The following ABTB2 variants were observed in gnomAD, a reference collection of about 807,000 sequenced individuals.
The protein encoded by ABTB2 is ankyrin repeat and BTB/POZ domain-containing protein 2.
A neutral mutation model predicts 104.1 loss-of-function variants in ABTB2; 56 were observed. The ratio of observed to expected loss-of-function variants is 0.54; its 90% CI spans 0.43 to 0.67. ABTB2 has a LOEUF of 0.67. ABTB2 is among the 30% of genes least tolerant of loss of function. The pLI is 0.00. For synonymous variants in ABTB2, 606 were observed against 608.2 expected (o/e 1.00, Z 0.05); for missense variants, 1,279 against 1,407.7 (o/e 0.91, Z 1.46).
intron 2 of ABTB2, among the ~76,000 whole-genome samples, chr11:34,199,760 G>A (rs1180914841): frequency 6.6e-6 from 1 of 152,186 alleles, no homozygotes. Flanking sequence ...GGGAACAATA[G>A]TATCTACCCT....
intron 4 of ABTB2, among the ~76,000 whole-genome samples, chr11:34,172,844 T>A (rs1231335030): frequency 6.6e-6 from 1 of 152,252 alleles, no homozygotes. Flanking sequence ...GGCCCACTTC[T>A]GCCCCTCAGT....
At position 34,300,747 on chromosome 11, in the gene ABTB2, C is replaced by T. The variant is rs150832067; in HGVS notation, c.883+55954G>A. ...GGGGGAGGTGCTCGAAGTCTTGGTA[C>T]GCAATAAAGATAACCAATGAGAAGG... is the stretch of plus-strand genomic sequence containing the variant. On this transcript the variant is annotated intron_variant, in intron 1 of 16. Transcript: ENST00000435224. Among the ~76,000 whole-genome samples, 20 of 152,210 alleles carry T rather than the reference C, an allele frequency of 1.3e-4. No homozygotes were observed. The East Asian group carries it at 2.5e-3, about 19-fold the overall frequency.
At chr11:34,203,151 GGCCAACA>G (rs1268480378) in intron 2 of ABTB2, among the ~76,000 whole-genome samples, 1 of 152,128 alleles carries the variant, frequency 6.6e-6, no homozygotes, top group Non-Finnish European at 1.5e-5. Flanking sequence ...TTATCCAGGG[GGCCAACA>G]GCCCTAGACA....
At chr11:34,325,849 G>A (rs576010394) in intron 1 of ABTB2, among the ~76,000 whole-genome samples, 2 of 152,144 alleles carry the variant, frequency 1.3e-5, no homozygotes, top group South Asian at 4.1e-4. Flanking sequence ...TACTTGGAAG[G>A]CTGAGGCAGG....
chr11:34,264,954 C>G (rs538770316), intron 1 of ABTB2, among the ~76,000 whole-genome samples: 2 of 152,364 alleles, frequency 1.3e-5, no homozygotes, highest in Non-Finnish European at 2.9e-5. Flanking sequence ...AATGAGGGAT[C>G]TGAATCAGCA....
At chr11:34,245,443 C>G (rs987525698) in intron 1 of ABTB2, among the ~76,000 whole-genome samples, 18 of 152,204 alleles carry the variant, frequency 1.2e-4, no homozygotes, top group Non-Finnish European at 2.5e-4. Flanking sequence ...GACTGCAGAC[C>G]AGTCTCAGGC....
intron 1 of ABTB2, among the ~76,000 whole-genome samples, chr11:34,237,150 C>T (rs182948398): frequency 6.6e-6 from 1 of 152,220 alleles, no homozygotes. Flanking sequence ...CCCACAGTAC[C>T]CACCTCTATC....
At position 34,223,185 on chromosome 11, in the gene ABTB2, C is replaced by T. The variant is rs571800961; in HGVS notation, c.884-18495G>A. The stretch of plus-strand genomic sequence containing the variant: ...CTGGCGTGTGATCTGCCCACCAACA[C>T]AGCCGAGGACCGAGTGGAAACAGTG... On this transcript the variant is annotated intron_variant, in intron 1 of 16. Transcript: ENST00000435224. Among the ~76,000 whole-genome samples the T allele has an allele frequency of 2.0e-3, 303 of 152,278 alleles. 1 individual carries two copies. Among genetic ancestry groups the T allele is most frequent in the African/African-American group, 6.6e-3 (273 of 41,562 alleles).
intron 1 of ABTB2, among the ~76,000 whole-genome samples, chr11:34,267,337 C>G (rs1854264014): frequency 6.6e-6 from 1 of 152,162 alleles, no homozygotes. Flanking sequence ...GGGGCTCAGT[C>G]TTGCTGACTT....
chr11:34,313,335 C>T (rs1340797610), intron 1 of ABTB2, among the ~76,000 whole-genome samples: 1 of 152,194 alleles, frequency 6.6e-6, no homozygotes, highest in Non-Finnish European at 1.5e-5. Context: ...CTCCCGAGCA[C>T]CTCAGCTGTC....
chr11:34,228,448 G>C (rs536371581), intron 1 of ABTB2, among the ~76,000 whole-genome samples: 56 of 151,934 alleles, frequency 3.7e-4, no homozygotes, highest in Non-Finnish European at 7.6e-4. Context: ...TCAGTAGCAT[G>C]ATCTTGGCTC....
chr11:34,317,966 C>T (rs1299676772), intron 1 of ABTB2, among the ~76,000 whole-genome samples: 1 of 151,414 alleles, frequency 6.6e-6, no homozygotes, highest in African/African-American at 2.4e-5. Flanking sequence ...CGTCCCCCTC[C>T]CCTACCTCTT....
intron 1 of ABTB2, among the ~76,000 whole-genome samples, chr11:34,307,575 C>T (rs1390005504): frequency 1.3e-5 from 2 of 152,216 alleles, no homozygotes; most frequent in Admixed American, 1.3e-4. Context: ...CGAGAGAGGG[C>T]ACTACAAATT....
chr11:34,211,489 T>G (rs992642369), intron 1 of ABTB2, among the ~76,000 whole-genome samples: 18 of 151,832 alleles, frequency 1.2e-4, no homozygotes, highest in African/African-American at 4.4e-4. Context: ...TCAGAGAGGC[T>G]GGGGGGATGG....
intron 1 of ABTB2, among the ~76,000 whole-genome samples, chr11:34,265,798 GT>G (rs1434876165): frequency 6.6e-6 from 1 of 150,594 alleles, no homozygotes; most frequent in African/African-American, 2.4e-5. Context: ...GTGAAACCCT[GT>G]CTCTGCTAAA....
intron 5 of ABTB2, among the ~76,000 whole-genome samples, chr11:34,168,264 G>A (rs1279505817): frequency 6.6e-6 from 1 of 152,224 alleles, no homozygotes; most frequent in Non-Finnish European, 1.5e-5. Context: ...TCTGCCATGG[G>A]GAGCTGTAAA....
At chr11:34,318,109 C>G (rs952125413) in intron 1 of ABTB2, among the ~76,000 whole-genome samples, 3 of 152,058 alleles carry the variant, frequency 2.0e-5, no homozygotes, top group African/African-American at 7.2e-5. Flanking sequence ...TGGGACTACA[C>G]GCATGTGCCA....
chr11:34,321,973 T>C (rs1489946202), intron 1 of ABTB2, among the ~76,000 whole-genome samples: 2 of 152,158 alleles, frequency 1.3e-5, no homozygotes, highest in African/African-American at 4.8e-5. Flanking sequence ...ATACCCCCAT[T>C]GCTTCTGACA....
chr11:34,211,065 T>C (rs993892251), intron 1 of ABTB2, among the ~76,000 whole-genome samples: 2 of 152,196 alleles, frequency 1.3e-5, no homozygotes. Context: ...GAAGCATGAA[T>C]AGTTTTCAGG....
Sources: gnomAD v4.1 joint callset for allele counts (sites outside exome capture counted in the v4.1 genomes callset) on GRCh38, gnomAD v4.1.1 for gene constraint, MANE v1.5 for transcripts, NCBI Gene and HGNC (gene_info 2026-07-23, HGNC 2026-07-21) for gene names.